The following SHOC2 variants were observed in gnomAD, a reference collection of about 807,000 sequenced individuals.
The protein encoded by SHOC2 is SHOC2 leucine rich repeat scaffold protein, also known as leucine-rich repeat protein SHOC-2.
SHOC2 carries 4 observed loss-of-function variants against 50.2 expected under a neutral mutation model. That is an observed-to-expected ratio of 0.08 (90% CI 0.04 to 0.18). The LOEUF (loss-of-function observed/expected upper bound fraction) is 0.18, where lower values mean the gene tolerates loss of function less well. Among genes scored for constraint, SHOC2 ranks in the 10% least tolerant of loss-of-function variants. The pLI, the probability that SHOC2 is intolerant of heterozygous loss-of-function variation, is 1.00. For synonymous variants in SHOC2, 218 were observed against 244.5 expected (o/e 0.89, Z 1.01); for missense variants, 388 against 669.6 (o/e 0.58, Z 4.64).
At position 110,985,615 on chromosome 10, in the gene SHOC2, GGTCAAT is replaced by G; in HGVS notation, c.704-12_704-7del. 1 of 1,595,564 alleles carries G rather than the reference GGTCAAT, an allele frequency of 6.3e-7. No homozygotes were observed. Among genetic ancestry groups the G allele is most frequent in the Non-Finnish European group, 8.6e-7 (1 of 1,165,294 alleles). On this transcript the variant is annotated splice_polypyrimidine_tract_variant and splice_region_variant and intron_variant, in intron 2 of 8. Coordinates refer to ENST00000369452, the MANE Select transcript of SHOC2 (RefSeq NM_007373.4). ...ATAATGCTTATTGAATTTTTATGTT[GGTCAAT>G]TTACAGGTGAATTATGTAACCTCAT...
At chr10:110,975,745 TGCTTCTCCACA>T (rs999980680) in intron 2 of SHOC2, among the ~76,000 whole-genome samples, 37 of 152,348 alleles carry the variant, frequency 2.4e-4, no homozygotes, top group Admixed American at 4.6e-4. Flanking sequence ...AGTTGGTTAA[TGCTTCTCCACA>T]GCTTCTCCAC....
chr10:110,927,468 C>T (rs571436183), intron 1 of SHOC2, among the ~76,000 whole-genome samples: 2 of 152,216 alleles, frequency 1.3e-5, no homozygotes, highest in South Asian at 4.1e-4. Flanking sequence ...TACTAGGCAG[C>T]TTAAAATAGT....
intron 2 of SHOC2, among the ~76,000 whole-genome samples, chr10:110,969,846 A>G (rs1256992936): frequency 6.6e-6 from 1 of 152,198 alleles, no homozygotes; most frequent in African/African-American, 2.4e-5. Flanking sequence ...GAGAACCCAT[A>G]TCATTTTCTT....
At chr10:111,003,469 T>C (rs1475159342) in intron 4 of SHOC2, among the ~76,000 whole-genome samples, 2 of 152,222 alleles carry the variant, frequency 1.3e-5, no homozygotes, top group Non-Finnish European at 2.9e-5. Context: ...GACTTAAAAT[T>C]TAAGCACTTA....
At chr10:110,951,129 A>G (rs534972834) in intron 1 of SHOC2, among the ~76,000 whole-genome samples, 38 of 152,346 alleles carry the variant, frequency 2.5e-4, no homozygotes, top group African/African-American at 8.9e-4. Flanking sequence ...ATATTTGCAA[A>G]CCATACATTT....
upstream of SHOC2, chr10:110,919,379 A>G (rs1288625092): frequency 2.1e-5 from 8 of 385,822 alleles, no homozygotes; most frequent in Non-Finnish European, 3.2e-5. Flanking sequence ...GGAAAGGACA[A>G]GGGCGGAGAG....
At chr10:110,939,799 TA>T (rs768143243) in intron 1 of SHOC2, among the ~76,000 whole-genome samples, 88 of 152,316 alleles carry the variant, frequency 5.8e-4, no homozygotes, top group Admixed American at 1.0e-3. Flanking sequence ...TGCTAGTTTT[TA>T]AGAATTGGTG....
At position 110,930,349 on chromosome 10, in the gene SHOC2, GT is replaced by G. The variant is rs907263071; in HGVS notation, c.-235+10700del. 9.2e-5 allele frequency among the ~76,000 whole-genome samples: 14 copies of G among 151,476 alleles called. No homozygotes were observed. In the East Asian group the frequency reaches 9.7e-4, roughly 10 times the overall value. ...TGTTATTGAGAGCGCATTTATTTTTGTTTTTTTTCTGACAGTTTCCGATAGT... is the reference window on the plus strand; with the variant it reads ...TGTTATTGAGAGCGCATTTATTTTTGTTTTTTTCTGACAGTTTCCGATAGT... On this transcript the variant is annotated intron_variant, in intron 1 of 8. Coordinates refer to ENST00000369452, the MANE Select transcript of SHOC2 (RefSeq NM_007373.4).
At chr10:110,926,366 A>G (rs985068664) in intron 1 of SHOC2, among the ~76,000 whole-genome samples, 5 of 152,190 alleles carry the variant, frequency 3.3e-5, no homozygotes, top group African/African-American at 9.7e-5. Context: ...AACAGGCCCA[A>G]AGGAAGGACA....
intron 1 of SHOC2, chr10:110,936,975 T>C (rs1286953809): frequency 4.1e-6 from 6 of 1,455,488 alleles, no homozygotes; most frequent in Non-Finnish European, 5.8e-6. Flanking sequence ...TGGGGCAGCA[T>C]ACTTCGCACA....
At chr10:110,946,244 GATAAC>G (rs1847244305) in intron 1 of SHOC2, among the ~76,000 whole-genome samples, 1 of 151,666 alleles carries the variant, frequency 6.6e-6, no homozygotes, top group Non-Finnish European at 1.5e-5. Context: ...GTTTTACTGA[GATAAC>G]ATATTTTGAA....
chr10:110,929,264 G>A (rs1181662523), intron 1 of SHOC2, among the ~76,000 whole-genome samples: 1 of 152,134 alleles, frequency 6.6e-6, no homozygotes, highest in Non-Finnish European at 1.5e-5. Context: ...TATGCAAATT[G>A]ATAATATTTG....
rs150305903 is a variant in SHOC2 at position 110,923,706 on chromosome 10, G to C, written c.-235+4049G>C. On this transcript the variant is annotated intron_variant, in intron 1 of 8. Coordinates refer to ENST00000369452, the MANE Select transcript of SHOC2 (RefSeq NM_007373.4). ...ATGAGAAAGAGTGAACATACTGCTT[G>C]TAGCTAAAACATTACAGGAGACCTT... 1.7e-3 allele frequency among the ~76,000 whole-genome samples: 265 copies of C among 152,242 alleles called. 1 individual carries two copies. The highest frequency in any genetic ancestry group is 2.0e-3 in the Non-Finnish European group (133 of 67,988).
Position 111,012,767 on chromosome 10 carries a change from T to A in SHOC2, c.*949T>A, listed in dbSNP as rs1434913555. 5.2e-5 allele frequency: 8 copies of A among 152,666 alleles called. No homozygotes were observed. The highest frequency in any genetic ancestry group is 2.9e-5 in the Non-Finnish European group (2 of 68,036). 9.5% of individuals were successfully genotyped at this position (152,666 alleles called of 1,614,324 possible). The stretch of plus-strand genomic sequence containing the variant: ...TATCATAAACTACAGTAGGTAACTT[T>A]AAGGATTTCTTCCTATCCTTGTACA... On this transcript the variant is annotated 3_prime_UTR_variant, in exon 9 of 9. Coordinates refer to ENST00000369452, the MANE Select transcript of SHOC2 (RefSeq NM_007373.4).
At chr10:110,945,437 A>G (rs1024463390) in intron 1 of SHOC2, among the ~76,000 whole-genome samples, 6 of 152,242 alleles carry the variant, frequency 3.9e-5, no homozygotes, top group African/African-American at 1.4e-4. Flanking sequence ...GCAAGTTAAA[A>G]TAGAAAGCTC....
In SHOC2 at chr10:110,985,618, C is replaced by T. The variant is rs748271956; in HGVS notation, c.704-10C>T. 7 of 1,600,374 alleles carry T rather than the reference C, an allele frequency of 4.4e-6. No homozygotes were observed. Among genetic ancestry groups the T allele is most frequent in the South Asian group, 1.1e-5 (1 of 90,598 alleles). Reference sequence around the variant, plus strand: ...ATGCTTATTGAATTTTTATGTTGGTCAATTTACAGGTGAATTATGTAACCT... The same window carrying T: ...ATGCTTATTGAATTTTTATGTTGGTTAATTTACAGGTGAATTATGTAACCT... On this transcript the variant is annotated splice_polypyrimidine_tract_variant and intron_variant, in intron 2 of 8. Transcript: ENST00000369452.
At chr10:110,942,848 A>T (rs903623264) in intron 1 of SHOC2, among the ~76,000 whole-genome samples, 1 of 152,198 alleles carries the variant, frequency 6.6e-6, no homozygotes, top group African/African-American at 2.4e-5. Flanking sequence ...TAGACAGTTT[A>T]AAAAAATTCT....
chr10:110,981,226 CTT>C (rs1847970493), intron 2 of SHOC2, among the ~76,000 whole-genome samples: 1 of 152,178 alleles, frequency 6.6e-6, no homozygotes, highest in Admixed American at 6.5e-5. Flanking sequence ...ACATTATAGT[CTT>C]TTTACGAATT....
chr10:110,950,479 A>G (rs1293582681), intron 1 of SHOC2, among the ~76,000 whole-genome samples: 3 of 152,212 alleles, frequency 2.0e-5, no homozygotes, highest in African/African-American at 4.8e-5. Context: ...TACAACAGCT[A>G]TCAAAATTCC....
Sources: gnomAD v4.1 joint callset for allele counts (sites outside exome capture counted in the v4.1 genomes callset) on GRCh38, gnomAD v4.1.1 for gene constraint, MANE v1.5 for transcripts, NCBI Gene and HGNC (gene_info 2026-07-23, HGNC 2026-07-21) for gene names.